Variants in CDYL2 observed in about 807,000 individuals in gnomAD.
CDYL2 encodes the protein chromodomain Y like 2.
CDYL2 carries 23 observed loss-of-function variants against 49.4 expected under a neutral mutation model. That is an observed-to-expected ratio of 0.47 (90% confidence interval 0.34 to 0.66). The LOEUF is 0.66. CDYL2 is among the 30% of genes least tolerant of loss of function. The pLI is 0.01. For synonymous variants in CDYL2, 360 were observed against 268.8 expected (o/e 1.34, Z -3.32); for missense variants, 678 against 656.4 (o/e 1.03, Z -0.36).
intron 1 of CDYL2, among the ~76,000 whole-genome samples, chr16:80,728,714 A>T (rs574213685): frequency 4.5e-4 from 68 of 152,352 alleles, no homozygotes; most frequent in Admixed American, 3.0e-3. Flanking sequence ...CGGGTTACCC[A>T]CAAAGGGAAG....
intron 1 of CDYL2, among the ~76,000 whole-genome samples, chr16:80,737,495 T>A (rs577200018): frequency 9.8e-5 from 15 of 152,342 alleles, no homozygotes; most frequent in African/African-American, 3.4e-4. Flanking sequence ...TCAGCCACTG[T>A]ATTAAACTGT....
At chr16:80,713,142 C>T (rs1421817836) in intron 1 of CDYL2, among the ~76,000 whole-genome samples, 1 of 152,210 alleles carries the variant, frequency 6.6e-6, no homozygotes, top group East Asian at 1.9e-4. Context: ...CTGCTGCAGT[C>T]TATGGCTTTT....
chr16:80,619,909 G>A (rs1358241595), intron 4 of CDYL2, among the ~76,000 whole-genome samples: 1 of 152,162 alleles, frequency 6.6e-6, no homozygotes. Flanking sequence ...CCCTCTGTGT[G>A]GCCCCTCCAC....
At chr16:80,756,914 A>T (rs930024129) in intron 1 of CDYL2, among the ~76,000 whole-genome samples, 3 of 152,074 alleles carry the variant, frequency 2.0e-5, no homozygotes, top group Non-Finnish European at 4.4e-5. Context: ...CTGATAAGTC[A>T]TTTCCTGTTT....
intron 1 of CDYL2, among the ~76,000 whole-genome samples, chr16:80,745,326 A>G (rs1360626019): frequency 1.3e-5 from 2 of 152,118 alleles, no homozygotes; most frequent in Non-Finnish European, 2.9e-5. Flanking sequence ...ACCATTCCCT[A>G]TGACAGCCAG....
At chr16:80,786,498 G>A (rs1400197373) in intron 1 of CDYL2, among the ~76,000 whole-genome samples, 2 of 152,118 alleles carry the variant, frequency 1.3e-5, no homozygotes, top group Admixed American at 1.3e-4. Flanking sequence ...AAATAGGAAC[G>A]CTTTTACACT....
At chr16:80,750,863 A>G (rs1398039172) in intron 1 of CDYL2, among the ~76,000 whole-genome samples, 1 of 152,168 alleles carries the variant, frequency 6.6e-6, no homozygotes, top group African/African-American at 2.4e-5. Flanking sequence ...CTAAAAAAAT[A>G]CAAAAAACTA....
At chr16:80,664,661 C>G (rs964239520) in intron 2 of CDYL2, among the ~76,000 whole-genome samples, 1 of 152,180 alleles carries the variant, frequency 6.6e-6, no homozygotes, top group Non-Finnish European at 1.5e-5. Context: ...ATGTAGCTCT[C>G]TTCTGGCCTC....
chr16:80,713,355 A>ACCTGACACAAATCAGG (rs1230672856), intron 1 of CDYL2, among the ~76,000 whole-genome samples: 2 of 152,210 alleles, frequency 1.3e-5, no homozygotes, highest in Non-Finnish European at 2.9e-5. Flanking sequence ...AGATTGTCAC[A>ACCTGACACAAATCAGG]TGCCATTTGT....
chr16:80,785,541 A>C (rs1295815780), intron 1 of CDYL2, among the ~76,000 whole-genome samples: 1 of 152,186 alleles, frequency 6.6e-6, no homozygotes, highest in Non-Finnish European at 1.5e-5. Context: ...TACTGCCCGA[A>C]GTAATTTATA....
intron 1 of CDYL2, among the ~76,000 whole-genome samples, chr16:80,686,213 G>A (rs545034525): frequency 7.2e-5 from 11 of 152,222 alleles, no homozygotes; most frequent in South Asian, 6.2e-4. Flanking sequence ...ATGTAATCCC[G>A]TGGAAAAATA....
At chr16:80,632,963 T>G (rs1157942732) in intron 3 of CDYL2, 56 bp downstream of exon 3, 13 of 1,522,658 alleles carry the variant, frequency 8.5e-6, no homozygotes, top group Admixed American at 6.7e-5. Flanking sequence ...TATTCCATTC[T>G]GAGTGAGAAG....
At position 80,612,146 on chromosome 16, in the gene CDYL2, C is replaced by G. The variant is rs1003364799; in HGVS notation, c.1218+480G>C. On this transcript the variant is annotated intron_variant, in intron 5 of 6. Coordinates refer to ENST00000570137, the MANE Select transcript of CDYL2 (RefSeq NM_152342.4). This position sits in a 1 kb window ranked among gnomAD's most constrained non-coding sequence, Gnocchi z 5.0. ...ATGAGTGGAGGGGAAGACGCCCCTGCCGGCCTGGCCCATGAAGCCCTCCAG... is the reference window on the plus strand; with the variant it reads ...ATGAGTGGAGGGGAAGACGCCCCTGGCGGCCTGGCCCATGAAGCCCTCCAG... 3.3e-5 allele frequency among the ~76,000 whole-genome samples: 5 copies of G among 152,296 alleles called. No homozygotes were observed. In the East Asian group the frequency reaches 5.8e-4, roughly 18 times the overall value.
Position 80,620,928 on chromosome 16 carries a change from T to G in CDYL2, c.842A>C (p.Lys281Thr), listed in dbSNP as rs756500412. 1.3e-6 allele frequency: 2 copies of G among 1,595,734 alleles called. No homozygotes were observed. Among genetic ancestry groups the G allele is most frequent in the Non-Finnish European group, 1.7e-6 (2 of 1,167,766 alleles). ...GTTGCAGAGCGCTCGCCGGACTTCTTTCATGATCTGCCGGCAGAGATGAAT... is the reference window on the plus strand; with the variant it reads ...GTTGCAGAGCGCTCGCCGGACTTCTGTCATGATCTGCCGGCAGAGATGAAT... ...DNNALTPEIM[K>T]EVRRALCNAA... The change falls in exon 4 of 7, where the codon AAA (lysine) becomes ACA (threonine). Residue 281 changes from lysine to threonine, a missense_variant. By Grantham distance (78) the Lys-to-Thr change is moderately conservative. Transcript: ENST00000570137.
intron 5 of CDYL2, among the ~76,000 whole-genome samples, chr16:80,608,802 G>C (rs1157397101): frequency 6.6e-6 from 1 of 152,186 alleles, no homozygotes; most frequent in Non-Finnish European, 1.5e-5. Context: ...AAGAGAGAGA[G>C]AGAGAGAAAG....
At chr16:80,801,332 T>A (rs190967191) in intron 1 of CDYL2, among the ~76,000 whole-genome samples, 1 of 152,258 alleles carries the variant, frequency 6.6e-6, no homozygotes, top group Non-Finnish European at 1.5e-5. Context: ...TTCTTCACTA[T>A]GATTGAAGAG....
At chr16:80,699,706 G>T (rs1302380928) in intron 1 of CDYL2, among the ~76,000 whole-genome samples, 1 of 152,148 alleles carries the variant, frequency 6.6e-6, no homozygotes. Flanking sequence ...AATGTTTGAA[G>T]GGATGGATAT....
intron 2 of CDYL2, among the ~76,000 whole-genome samples, chr16:80,663,458 T>C (rs551187381): frequency 6.6e-6 from 1 of 152,278 alleles, no homozygotes; most frequent in East Asian, 1.9e-4. Flanking sequence ...CAGTTAACTG[T>C]CATCTGGCAT....
rs117828569 is a variant in CDYL2 at position 80,778,238 on chromosome 16, T to A, written c.24+25912A>T. On this transcript the variant is annotated intron_variant, in intron 1 of 6. Transcript: ENST00000570137. The stretch of plus-strand genomic sequence containing the variant: ...TGAAACAAAAAGCAGTTTTATTGAA[T>A]GAGAAACAAGAAACATGAATACTAG... Among the ~76,000 whole-genome samples, 643 of 152,078 alleles carry A rather than the reference T, an allele frequency of 4.2e-3. 6 individuals are homozygous for A. Among genetic ancestry groups the A allele is most frequent in the Non-Finnish European group, 4.2e-3 (285 of 67,868 alleles).
Sources: gnomAD v4.1 joint callset for allele counts (sites outside exome capture counted in the v4.1 genomes callset) on GRCh38, gnomAD v4.1.1 for gene constraint, Gnocchi (gnomAD v3.1) non-coding constraint, MANE v1.5 for transcripts, NCBI Gene and HGNC (gene_info 2026-07-23, HGNC 2026-07-21) for gene names.